The following CHRM3 variants were observed in gnomAD, a reference collection of about 807,000 sequenced individuals.
CHRM3 encodes the protein cholinergic receptor muscarinic 3.
Under a neutral mutation model 41.8 loss-of-function variants are expected in CHRM3, and 11 were observed. That is an observed-to-expected ratio of 0.26 (90% CI 0.17 to 0.44). CHRM3 has a LOEUF of 0.44. Among genes scored for constraint, CHRM3 ranks in the 20% least tolerant of loss-of-function variants. The probability of loss-of-function intolerance (pLI) is 1.00; values close to 1 mark genes in which losing one functional copy is unlikely to be tolerated. For missense variants in CHRM3, 571 were observed against 745.4 expected (o/e 0.77, Z 2.72); for synonymous variants, 297 against 301.4 (o/e 0.99, Z 0.15).
At chr1:239,680,144 A>C (rs1362144240) in intron 5 of CHRM3, among the ~76,000 whole-genome samples, 1 of 152,026 alleles carries the variant, frequency 6.6e-6, no homozygotes, top group African/African-American at 2.4e-5. Flanking sequence ...ATGTCCCTAA[A>C]TCATCTTATT....
chr1:239,794,383 TGTTG>T (rs1558128256), intron 5 of CHRM3, among the ~76,000 whole-genome samples: 1 of 136,056 alleles, frequency 7.3e-6, no homozygotes, highest in African/African-American at 3.3e-5. Context: ...TTAATTCGTT[TGTTG>T]TTTTTTTTTT....
intron 2 of CHRM3, among the ~76,000 whole-genome samples, chr1:239,522,900 C>A (rs1385314067): frequency 1.3e-5 from 2 of 151,974 alleles, no homozygotes; most frequent in Non-Finnish European, 2.9e-5. Flanking sequence ...CTGGCAAAAT[C>A]CTTTCTTTAG....
chr1:239,532,345 T>A (rs1211763260), intron 2 of CHRM3, among the ~76,000 whole-genome samples: 2 of 142,792 alleles, frequency 1.4e-5, no homozygotes, highest in Non-Finnish European at 3.1e-5. Flanking sequence ...ATGTAGGAGT[T>A]GGCCAGGCGC....
intron 5 of CHRM3, among the ~76,000 whole-genome samples, chr1:239,777,853 G>A (rs1313813132): frequency 6.6e-6 from 1 of 152,148 alleles, no homozygotes; most frequent in Non-Finnish European, 1.5e-5. Context: ...TATTTCCTGA[G>A]ACCTAGATAA....
intron 5 of CHRM3, among the ~76,000 whole-genome samples, chr1:239,800,908 T>G (rs913908119): frequency 2.0e-5 from 3 of 152,196 alleles, no homozygotes; most frequent in African/African-American, 7.2e-5. Flanking sequence ...GTAAGGGATT[T>G]TTTTTTTCCA....
intron 2 of CHRM3, among the ~76,000 whole-genome samples, chr1:239,514,513 G>C (rs1669134150): frequency 6.6e-6 from 1 of 151,874 alleles, no homozygotes; most frequent in Non-Finnish European, 1.5e-5. Flanking sequence ...CAGAAGTTTT[G>C]TGTTGATTCT....
At chr1:239,878,223 G>C (rs1244996019) in intron 6 of CHRM3, among the ~76,000 whole-genome samples, 2 of 151,972 alleles carry the variant, frequency 1.3e-5, no homozygotes, top group East Asian at 1.9e-4. Context: ...TAATGTAGAA[G>C]CAGTGGGAGC....
chr1:239,516,406 G>A (rs1669274556), intron 2 of CHRM3, among the ~76,000 whole-genome samples: 1 of 152,210 alleles, frequency 6.6e-6, no homozygotes, highest in African/African-American at 2.4e-5. Flanking sequence ...GACAGTGCAT[G>A]TGAAGGTGTT....
At chr1:239,726,325 A>G (rs1663433446) in intron 5 of CHRM3, among the ~76,000 whole-genome samples, 1 of 151,962 alleles carries the variant, frequency 6.6e-6, no homozygotes, top group East Asian at 1.9e-4. Context: ...GAACTTTTGA[A>G]TCAAATAATA....
At chr1:239,729,957 A>T (rs1347909542) in intron 5 of CHRM3, among the ~76,000 whole-genome samples, 1 of 151,934 alleles carries the variant, frequency 6.6e-6, no homozygotes, top group Non-Finnish European at 1.5e-5. Flanking sequence ...CTAACTGTGT[A>T]TCTGAATTTT....
At chr1:239,802,057 C>A (rs775120579) in intron 5 of CHRM3, among the ~76,000 whole-genome samples, 1 of 151,936 alleles carries the variant, frequency 6.6e-6, no homozygotes, top group Non-Finnish European at 1.5e-5. Context: ...AAACTTAGTT[C>A]TCTTCTATTC....
At chr1:239,609,406 C>T (rs534178314) in intron 3 of CHRM3, among the ~76,000 whole-genome samples, 1 of 152,286 alleles carries the variant, frequency 6.6e-6, no homozygotes, top group South Asian at 2.1e-4. Flanking sequence ...CCTCCATAGA[C>T]AGTTGGCTTT....
chr1:239,656,252 T>TCA (rs1672701817), intron 4 of CHRM3, among the ~76,000 whole-genome samples: 1 of 151,930 alleles, frequency 6.6e-6, no homozygotes, highest in Admixed American at 6.6e-5. Context: ...AACCTCGACA[T>TCA]CACACAAGAT....
chr1:239,575,399 A>G (rs1353475239), intron 3 of CHRM3, among the ~76,000 whole-genome samples: 1 of 152,200 alleles, frequency 6.6e-6, no homozygotes, highest in African/African-American at 2.4e-5. Context: ...GTGAAACTTC[A>G]AGTCCTAATA....
chr1:239,461,046 G>A (rs1327771829), intron 1 of CHRM3, among the ~76,000 whole-genome samples: 1 of 152,084 alleles, frequency 6.6e-6, no homozygotes, highest in Non-Finnish European at 1.5e-5. Context: ...CAACAAAGCA[G>A]TTCTTCTAAG....
intron 6 of CHRM3, among the ~76,000 whole-genome samples, chr1:239,894,880 C>T (rs1287815712): frequency 1.3e-5 from 2 of 152,150 alleles, no homozygotes; most frequent in Non-Finnish European, 2.9e-5. Context: ...AATAACTAAC[C>T]TGAAGTCTCA....
At chr1:239,462,198 A>G (rs1266047173) in intron 1 of CHRM3, among the ~76,000 whole-genome samples, 1 of 152,182 alleles carries the variant, frequency 6.6e-6, no homozygotes, top group African/African-American at 2.4e-5. Flanking sequence ...GATATTTACT[A>G]AATTTGAAAA....
At chr1:239,700,759 C>T (rs1660609756) in intron 5 of CHRM3, among the ~76,000 whole-genome samples, 2 of 152,096 alleles carry the variant, frequency 1.3e-5, no homozygotes, top group South Asian at 4.1e-4. Context: ...TAGTTTGGCA[C>T]ACTCCTCCTG....
At chr1:239,407,417 TAGAG>T (rs67319486) in intron 1 of CHRM3, among the ~76,000 whole-genome samples, 1,536 of 134,186 alleles carry the variant, frequency 0.011, 29 homozygotes, top group African/African-American at 0.034. Context: ...TATATATATA[TAGAG>T]AGAGAGAGAG....
Sources: gnomAD v4.1 joint callset for allele counts (sites outside exome capture counted in the v4.1 genomes callset) on GRCh38, gnomAD v4.1.1 for gene constraint, MANE v1.5 for transcripts, NCBI Gene and HGNC (gene_info 2026-07-23, HGNC 2026-07-21) for gene names.